Variants in HPD observed in about 807,000 individuals in gnomAD.
HPD encodes 4-hydroxyphenylpyruvate dioxygenase.
In HPD, 35 loss-of-function variants were observed where a neutral mutation model predicts 56.9. That is an observed-to-expected ratio of 0.62 (90% CI 0.47 to 0.82). HPD has a LOEUF of 0.82. HPD is among the 40% of genes least tolerant of loss of function. HPD has a pLI of 0.00. For synonymous variants in HPD, 186 were observed against 200.2 expected, an observed-to-expected ratio of 0.93 and a Z score of 0.60; for missense variants, 442 against 506.8, an observed-to-expected ratio of 0.87 and a Z score of 1.23.
At chr12:121,849,879 G>A in intron 7 of HPD, 89 bp from the exon 8 acceptor site, 1 of 822,488 alleles carries the variant, frequency 1.2e-6, no homozygotes, top group Non-Finnish European at 2.1e-6. Context: ...GTAGCCCCGG[G>A]TTCCAACCTG....
At chr12:121,878,674 TTC>T in the HPD span, among the ~76,000 whole-genome samples, 8 of 146,116 alleles carry the variant, frequency 5.5e-5, no homozygotes, top group Admixed American at 2.0e-4. Context: ...TGGTTTTTCG[TTC>T]TTTTTTTTTT....
At chr12:121,840,931 C>T (rs994913865) in intron 12 of HPD, among the ~76,000 whole-genome samples, 8 of 151,730 alleles carry the variant, frequency 5.3e-5, no homozygotes, top group East Asian at 2.0e-4. Context: ...AGGTGGCTCA[C>T]GCCTGTAATC....
At chr12:121,839,907 C>G in intron 13 of HPD, 25 bp downstream of exon 13, 1 of 1,602,758 alleles carries the variant, frequency 6.2e-7, no homozygotes, top group Non-Finnish European at 8.5e-7. Context: ...CCTGTCCCCT[C>G]GGGCCTGCCG....
At chr12:121,847,607 G>A (rs73229941) in intron 9 of HPD, among the ~76,000 whole-genome samples, 44 of 152,168 alleles carry the variant, frequency 2.9e-4, no homozygotes, top group Non-Finnish European at 4.1e-4. Context: ...ACGCAATCTC[G>A]GCTCGCTGCA....
In HPD at chr12:121,847,199, C is replaced by T. The variant is rs140635815; in HGVS notation, c.612G>A (p.Leu204=). 6.2e-7 allele frequency: 1 copy of T among 1,614,054 alleles called. No individual in the cohort carries two copies. Among genetic ancestry groups the T allele is most frequent in the African/African-American group, 1.3e-5 (1 of 74,930 alleles). Residue 204 remains leucine (L), a synonymous_variant, in exon 10 of 14, where the codon CTG becomes CTA. Transcript: ENST00000289004. The part of the protein sequence containing the change: ...VSASEWYLKN[L]QFHRFWSVDD... ...CCACGGACCAGAAGCGGTGGAACTG[C>T]AGGTTTTTCAGGTACCTGTAGGGTG...
chr12:121,870,811 G>C, the HPD span, among the ~76,000 whole-genome samples: 2 of 151,848 alleles, frequency 1.3e-5, no homozygotes, highest in Admixed American at 1.3e-4. Context: ...GGTCAGGCTG[G>C]TCGTGAACTC....
At position 121,849,052 on chromosome 12, in the gene HPD, G is replaced by A. The variant is rs756242095; in HGVS notation, c.543C>T (p.Ile181=). 1.9e-5 allele frequency: 31 copies of A among 1,613,784 alleles called. No individual in the cohort carries two copies. Among genetic ancestry groups the A allele is most frequent in the African/African-American group, 4.0e-5 (3 of 75,002 alleles). ...PKLPKCSLEM[I]DHIVGNQPDQ... Reference sequence around the variant, plus strand: ...CAGGCTGGTTTCCCACAATGTGGTCGATCATCTCCAGACTGCATTTGGGCC... The same window carrying A: ...CAGGCTGGTTTCCCACAATGTGGTCAATCATCTCCAGACTGCATTTGGGCC... Residue 181 remains isoleucine, a synonymous_variant, in exon 9 of 14, where the codon ATC becomes ATT. Transcript: ENST00000289004.
At chr12:121,877,448 G>A in the HPD span, among the ~76,000 whole-genome samples, 13 of 151,928 alleles carry the variant, frequency 8.6e-5, no homozygotes, top group Non-Finnish European at 1.5e-4. Flanking sequence ...AGAGCTGGGT[G>A]AGGTTGGGCG....
upstream of HPD, among the ~76,000 whole-genome samples, chr12:121,861,921 G>A (rs569334186): frequency 1.3e-5 from 2 of 152,176 alleles, no homozygotes; most frequent in South Asian, 4.1e-4. Flanking sequence ...GCAAGGGGAC[G>A]GTTGCTTGAG....
intron 7 of HPD, among the ~76,000 whole-genome samples, chr12:121,854,234 C>T (rs529269686): frequency 6.6e-5 from 10 of 152,140 alleles, no homozygotes; most frequent in African/African-American, 1.4e-4. Context: ...CCAGCCTGGG[C>T]GACAGAGCGA....
At chr12:121,848,371 G>A (rs188925481) in intron 9 of HPD, among the ~76,000 whole-genome samples, 15 of 151,852 alleles carry the variant, frequency 9.9e-5, no homozygotes, top group Admixed American at 6.6e-4. Context: ...GAGTGCAGTG[G>A]CGTAATCTCA....
rs994663418 is a variant in HPD at position 121,843,773 on chromosome 12, T to G, written c.891A>C (p.Lys297Asn). ...CCGTCTTCAGCTTCTCCCGCAGTTG[T>G]TTGTAGTACGTGGAGGGAACAGATA... ...EFLSVPSTYYKQLREKLKTAK... is the reference protein window; with the variant it reads ...EFLSVPSTYYNQLREKLKTAK... The change falls in exon 12 of 14, where the codon AAA becomes AAC. Residue 297 changes from lysine (K) to asparagine (N), a missense_variant. Coordinates refer to ENST00000289004, the MANE Select transcript of HPD (RefSeq NM_002150.3). 1.9e-6 allele frequency: 3 copies of G among 1,614,146 alleles called. No individual in the cohort carries two copies. Among genetic ancestry groups the G allele is most frequent in the Admixed American group, 1.7e-5 (1 of 60,008 alleles).
At chr12:121,845,129 G>T (rs1005941841) in intron 11 of HPD, among the ~76,000 whole-genome samples, 1 of 148,880 alleles carries the variant, frequency 6.7e-6, no homozygotes, top group Non-Finnish European at 1.5e-5. Flanking sequence ...ATATATATTT[G>T]AGAGACAGGG....
At chr12:121,839,893 G>A in intron 13 of HPD, 39 bp downstream of exon 13, 3 of 1,605,388 alleles carry the variant, frequency 1.9e-6, no homozygotes, top group Non-Finnish European at 1.7e-6. Context: ...GAGTGTGCTA[G>A]CTGCCTGTCC....
Position 121,847,088 on chromosome 12 carries a change from A to C in HPD, c.723T>G (p.Asn241Lys). The C allele has an allele frequency of 6.2e-7, 1 of 1,614,166 alleles. No homozygotes were observed. The highest frequency in any genetic ancestry group is 8.5e-7 in the Non-Finnish European group (1 of 1,180,032). The change falls in exon 10 of 14, where the codon AAT (asparagine) becomes AAG (lysine). Residue 241 changes from asparagine (N) to lysine (K), a missense_variant. Transcript: ENST00000289004. ...ACTTCTTCTTGCCAGGCGCTGGCTC[A>C]TTGATGGGCATCTTGATGGACTCTT... ...NYEESIKMPINEPAPGKKKSQ... is the reference protein window; with the variant it reads ...NYEESIKMPIKEPAPGKKKSQ...
the HPD span, among the ~76,000 whole-genome samples, chr12:121,872,705 A>T: frequency 2.0e-5 from 3 of 151,630 alleles, no homozygotes; most frequent in Non-Finnish European, 4.4e-5. Flanking sequence ...GGCCATATGG[A>T]TTTGCTCTGG....
chr12:121,878,200 T>C, the HPD span, among the ~76,000 whole-genome samples: 1 of 152,188 alleles, frequency 6.6e-6, no homozygotes, highest in Non-Finnish European at 1.5e-5. Flanking sequence ...TGGTTTTAAA[T>C]TTTTCTTTAT....
upstream of HPD, among the ~76,000 whole-genome samples, chr12:121,868,543 G>A (rs1878386397): frequency 1.4e-5 from 2 of 141,854 alleles, no homozygotes; most frequent in South Asian, 4.4e-4. Flanking sequence ...TTTTTGAGAT[G>A]GAGTCTTGCT....
chr12:121,849,817 G>T, intron 7 of HPD, 27 bp from the exon 8 acceptor site: 1 of 1,504,616 alleles, frequency 6.6e-7, no homozygotes. Context: ...GCCTGGCTCG[G>T]CCCCTGGGCA....
Sources: allele counts gnomAD v4.1 joint callset (sites outside exome capture counted in the v4.1 genomes callset), GRCh38; gene constraint gnomAD v4.1.1; transcripts MANE v1.5; gene names NCBI Gene and HGNC (gene_info 2026-07-23, HGNC 2026-07-21).